Variants in KCNAB2 observed in about 807,000 individuals in gnomAD.
KCNAB2 encodes the protein potassium voltage-gated channel subfamily A regulatory beta subunit 2.
A neutral mutation model predicts 63.6 loss-of-function variants in KCNAB2; 29 were observed. That is an observed-to-expected ratio of 0.46 (90% CI 0.34 to 0.62). The LOEUF is 0.62. KCNAB2 is among the 20% of genes least tolerant of loss of function. The pLI, the probability that KCNAB2 is intolerant of heterozygous loss-of-function variation, is 0.01. For missense variants in KCNAB2, 359 were observed against 563.9 expected (o/e 0.64, Z 3.68); for synonymous variants, 222 against 224.2 (o/e 0.99, Z 0.09).
At chr1:6,065,911 C>T (rs897153699) in intron 2 of KCNAB2, among the ~76,000 whole-genome samples, 3 of 152,206 alleles carry the variant, frequency 2.0e-5, no homozygotes, top group Non-Finnish European at 2.9e-5. Flanking sequence ...CCGTTGCCTT[C>T]GGAAATCCTC....
At chr1:6,051,050 G>A (rs546181390) in intron 1 of KCNAB2, among the ~76,000 whole-genome samples, 1 of 152,368 alleles carries the variant, frequency 6.6e-6, no homozygotes, top group African/African-American at 2.4e-5. Context: ...GCCCTGCGCT[G>A]CTTTCCCAGG....
intron 1 of KCNAB2, among the ~76,000 whole-genome samples, chr1:6,012,746 G>A (rs1658262607): frequency 6.6e-6 from 1 of 151,718 alleles, no homozygotes; most frequent in African/African-American, 2.4e-5. Context: ...TGGGGGAGGA[G>A]GAGGTGATGG....
At chr1:6,093,755 C>T (rs1665387666) in intron 10 of KCNAB2, among the ~76,000 whole-genome samples, 1 of 152,206 alleles carries the variant, frequency 6.6e-6, no homozygotes, top group African/African-American at 2.4e-5. Flanking sequence ...GTTTGAGAAC[C>T]TGGGCCATGG....
At chr1:5,993,631 C>T (rs1205473311) in intron 1 of KCNAB2, among the ~76,000 whole-genome samples, 1 of 152,202 alleles carries the variant, frequency 6.6e-6, no homozygotes, top group Non-Finnish European at 1.5e-5. Flanking sequence ...ATCCTGGTGT[C>T]CCTCCTCCTG....
At chr1:6,083,686 C>T (rs6690918) in intron 5 of KCNAB2, among the ~76,000 whole-genome samples, 15,274 of 152,256 alleles carry the variant, frequency 0.1, 885 homozygotes, top group African/African-American at 0.13. Flanking sequence ...GGGAGCTGGG[C>T]GCTGCGTGCC....
intron 5 of KCNAB2, among the ~76,000 whole-genome samples, chr1:6,084,471 G>C (rs1664475292): frequency 6.6e-6 from 1 of 152,232 alleles, no homozygotes; most frequent in African/African-American, 2.4e-5. Context: ...CTGAGTACAT[G>C]TTGATTGTCT....
Position 6,099,578 on chromosome 1 carries a change from C to G in KCNAB2, c.*1004C>G, listed in dbSNP as rs1665897812. The G allele has an allele frequency of 1.8e-6, 1 of 560,520 alleles. No homozygotes were observed. Among genetic ancestry groups the G allele is most frequent in the Non-Finnish European group, 3.0e-6 (1 of 338,162 alleles). The allele number at this position is 560,520 out of a possible 1,614,324, so 34.7% of individuals were successfully genotyped here. A position where few individuals can be genotyped will look rare whatever the true frequency, so the allele number is the denominator to read the frequency against. ...ACTCCTCTCGGCCCCTGTAGACTTT[C>G]TCTAAAGCCGCCCGCCAGCCCAGGC... On this transcript the variant is annotated 3_prime_UTR_variant, in exon 16 of 16. Coordinates refer to ENST00000378083, the MANE Select transcript of KCNAB2 (RefSeq NM_001199862.2).
upstream of KCNAB2, among the ~76,000 whole-genome samples, chr1:6,030,020 T>A (rs899652300): frequency 2.0e-5 from 3 of 152,244 alleles, no homozygotes; most frequent in Non-Finnish European, 4.4e-5. Flanking sequence ...GAATCTGCAA[T>A]AAAGAGACAG....
At chr1:6,085,846 T>C in intron 6 of KCNAB2, 4 of 987,686 alleles carry the variant, frequency 4.0e-6, no homozygotes, top group Non-Finnish European at 4.8e-6. Context: ...TGGCCCCAAG[T>C]CTGTAAATCA....
intron 1 of KCNAB2, among the ~76,000 whole-genome samples, chr1:6,050,807 G>A (rs193098231): frequency 7.9e-5 from 12 of 152,266 alleles, no homozygotes; most frequent in South Asian, 2.1e-4. Flanking sequence ...ACTCTCCTCC[G>A]CAACCTGCTT....
At chr1:6,030,668 G>GTGTGTGTA, upstream of KCNAB2, among the ~76,000 whole-genome samples, 1 of 150,616 alleles carries the variant, frequency 6.6e-6, no homozygotes, top group East Asian at 1.9e-4. Context: ...CGTGTATGGG[G>GTGTGTGTA]TGTGTGTATG....
chr1:6,073,918 G>A lies in KCNAB2; in HGVS notation c.300+148G>A. 1.3e-6 allele frequency: 1 copy of A among 755,446 alleles called. No homozygotes were observed. The highest frequency in any genetic ancestry group is 2.2e-6 in the Non-Finnish European group (1 of 446,910). The allele number at this position is 755,446 out of a possible 1,614,324, so 46.8% of individuals were successfully genotyped here. ...TCTTTCTGTTTTGTGAGGGCGCCCT[G>A]CCCCAGGGGAGAGTAGAAAGGTGAG... On this transcript the variant is annotated intron_variant, in intron 4 of 15. Transcript: ENST00000378083. This position sits in a 1 kb window ranked among gnomAD's most constrained non-coding sequence, Gnocchi z 5.7.
At chr1:6,020,653 A>T (rs1022548883) in intron 1 of KCNAB2, among the ~76,000 whole-genome samples, 10 of 152,132 alleles carry the variant, frequency 6.6e-5, no homozygotes, top group Non-Finnish European at 1.2e-4. Context: ...CCACATTTTT[A>T]AAATTTCTAT....
chr1:6,004,225 G>C (rs1286224738), intron 1 of KCNAB2, among the ~76,000 whole-genome samples: 1 of 151,540 alleles, frequency 6.6e-6, no homozygotes, highest in East Asian at 1.9e-4. Context: ...TCTGGTTAGA[G>C]GGTTTTTTTT....
intron 2 of KCNAB2, among the ~76,000 whole-genome samples, chr1:6,055,068 G>A (rs1279073479): frequency 6.6e-6 from 1 of 152,206 alleles, no homozygotes; most frequent in Non-Finnish European, 1.5e-5. Flanking sequence ...GACAGGAAAG[G>A]ACACCTCATG....
chr1:6,015,581 C>G (rs1658445953), intron 1 of KCNAB2, among the ~76,000 whole-genome samples: 1 of 152,260 alleles, frequency 6.6e-6, no homozygotes, highest in South Asian at 2.1e-4. Context: ...CGTAAGCACC[C>G]TGGGGAAGCG....
chr1:6,077,896 G>A (rs761446561), intron 4 of KCNAB2, among the ~76,000 whole-genome samples: 15 of 152,232 alleles, frequency 9.9e-5, no homozygotes, highest in Non-Finnish European at 7.3e-5. Context: ...GAGAGGGTGC[G>A]AGCTGCCTGT....
intron 1 of KCNAB2, among the ~76,000 whole-genome samples, chr1:5,997,624 T>G (rs1657013641): frequency 6.6e-6 from 1 of 152,196 alleles, no homozygotes; most frequent in Non-Finnish European, 1.5e-5. Context: ...TTCATTGCAA[T>G]CTCAGGCCCT....
In KCNAB2 at chr1:6,004,584, C is replaced by T. The variant is rs182440504; in HGVS notation, c.-53+11796C>T. On this transcript the variant is annotated intron_variant, in intron 1 of 16. Transcript: ENST00000341524. ...TCCTTGGCTTGTAGAAACACCCCCCCGAGATTCTGCCCCCATCGCCACATG... is the reference window on the plus strand; with the variant it reads ...TCCTTGGCTTGTAGAAACACCCCCCTGAGATTCTGCCCCCATCGCCACATG... Among the ~76,000 whole-genome samples, 91 of 151,376 alleles carry T rather than the reference C, an allele frequency of 6.0e-4. 3 individuals carry two copies. The highest frequency in any genetic ancestry group is 2.8e-4 in the Non-Finnish European group (19 of 67,836).
Sources: gnomAD v4.1 joint callset for allele counts (sites outside exome capture counted in the v4.1 genomes callset) on GRCh38, gnomAD v4.1.1 for gene constraint, Gnocchi (gnomAD v3.1) non-coding constraint, MANE v1.5 for transcripts, NCBI Gene and HGNC (gene_info 2026-07-23, HGNC 2026-07-21) for gene names.